SPTSSB: variants seen among roughly 807,000 people sequenced by gnomAD.
SPTSSB encodes androgen down regulated in mouse prostate.
Under a neutral mutation model 7.7 loss-of-function variants are expected in SPTSSB, and 6 were observed. The ratio of observed to expected loss-of-function variants is 0.78; its 90% CI spans 0.43 to 1.54. The LOEUF is 1.54. SPTSSB is among the 40% of genes most tolerant of loss of function. SPTSSB has a pLI of 0.01. For missense variants in SPTSSB, 91 were observed against 93.0 expected (o/e 0.98, Z 0.09); for synonymous variants, 28 against 29.7 (o/e 0.94, Z 0.19).
At chr3:161,369,285 CT>C (rs201145717) in intron 1 of SPTSSB, among the ~76,000 whole-genome samples, 4,859 of 102,984 alleles carry the variant, frequency 0.047, 113 homozygotes, top group South Asian at 0.1. Context: ...TTCTTTCTTT[CT>C]TTTCTTTCTT....
intron 2 of SPTSSB, among the ~76,000 whole-genome samples, chr3:161,352,709 T>C (rs1714598370): frequency 6.6e-6 from 1 of 152,256 alleles, no homozygotes; most frequent in Non-Finnish European, 1.5e-5. Context: ...TTCTGAATTC[T>C]CATTGTCTGC....
intron 2 of SPTSSB, among the ~76,000 whole-genome samples, chr3:161,349,919 GAGA>G (rs1274552513): frequency 6.6e-6 from 1 of 152,186 alleles, no homozygotes; most frequent in Non-Finnish European, 1.5e-5. Flanking sequence ...GTGTGCGGTG[GAGA>G]AGGAGATGAA....
At chr3:161,347,183 C>G (rs1478751970) in intron 2 of SPTSSB, among the ~76,000 whole-genome samples, 1 of 152,130 alleles carries the variant, frequency 6.6e-6, no homozygotes, top group Non-Finnish European at 1.5e-5. Flanking sequence ...TTCTTAAATA[C>G]TCTTCATTTT....
intron 1 of SPTSSB, among the ~76,000 whole-genome samples, chr3:161,361,871 CAG>C (rs1423386019): frequency 2.0e-5 from 3 of 152,234 alleles, no homozygotes; most frequent in African/African-American, 7.2e-5. Context: ...TAGCAGATCA[CAG>C]AGTTACTGTT....
chr3:161,346,032 A>G lies in SPTSSB; in HGVS notation c.*61T>C, dbSNP rs1714206364. The G allele has an allele frequency of 1.1e-6, 1 of 870,894 alleles. No individual in the cohort carries two copies. The highest frequency in any genetic ancestry group is 1.9e-6 in the Non-Finnish European group (1 of 527,152). 53.9% of individuals were successfully genotyped at this position (870,894 alleles called of 1,614,324 possible). A position where few individuals can be genotyped will look rare whatever the true frequency, so the allele number is the denominator to read the frequency against. ...TGAAGGAAGACACAATAGTTACCTAAATCAATAAGCTGTAAGCAACATATA... is the reference window on the plus strand; with the variant it reads ...TGAAGGAAGACACAATAGTTACCTAGATCAATAAGCTGTAAGCAACATATA... On this transcript the variant is annotated 3_prime_UTR_variant, in exon 3 of 3. Coordinates refer to ENST00000620149, the MANE Select transcript of SPTSSB (RefSeq NM_001040100.2).
intron 1 of SPTSSB, among the ~76,000 whole-genome samples, chr3:161,361,674 G>C (rs1715022148): frequency 6.6e-6 from 1 of 152,058 alleles, no homozygotes; most frequent in South Asian, 2.1e-4. Flanking sequence ...CTTAGTAAAG[G>C]CTCAAAGATA....
At chr3:161,355,030 A>C (rs1047721615) in intron 2 of SPTSSB, among the ~76,000 whole-genome samples, 6 of 152,330 alleles carry the variant, frequency 3.9e-5, no homozygotes, top group African/African-American at 1.4e-4. Context: ...AGAAATTTGT[A>C]ACAAGGGAAT....
intron 1 of SPTSSB, among the ~76,000 whole-genome samples, chr3:161,371,205 GA>G (rs2108172784): frequency 6.6e-6 from 1 of 152,302 alleles, no homozygotes; most frequent in Non-Finnish European, 1.5e-5. Flanking sequence ...TTTTAGTTTG[GA>G]AAGTTTCAGT....
intron 2 of SPTSSB, among the ~76,000 whole-genome samples, chr3:161,355,187 T>C (rs1162659033): frequency 6.6e-6 from 1 of 152,226 alleles, no homozygotes; most frequent in Admixed American, 6.5e-5. Flanking sequence ...TATGAGCTTC[T>C]TTATAACTAT....
intron 1 of SPTSSB, among the ~76,000 whole-genome samples, chr3:161,368,707 T>C (rs1411047555): frequency 6.6e-6 from 1 of 152,204 alleles, no homozygotes; most frequent in Non-Finnish European, 1.5e-5. Context: ...ATTACAGGCG[T>C]GAGCCACCGC....
intron 2 of SPTSSB, among the ~76,000 whole-genome samples, chr3:161,350,423 A>G (rs1394934161): frequency 3.9e-5 from 6 of 152,212 alleles, no homozygotes; most frequent in Non-Finnish European, 8.8e-5. Context: ...CTTCTAGAAC[A>G]TCAGAATCAG....
intron 1 of SPTSSB, among the ~76,000 whole-genome samples, chr3:161,364,265 C>T (rs1715128789): frequency 6.6e-6 from 1 of 152,118 alleles, no homozygotes; most frequent in South Asian, 2.1e-4. Flanking sequence ...TGGGCCTGGG[C>T]ATGTGTGCTA....
At chr3:161,361,639 T>C (rs1304367882) in intron 1 of SPTSSB, among the ~76,000 whole-genome samples, 3 of 152,168 alleles carry the variant, frequency 2.0e-5, no homozygotes, top group African/African-American at 7.2e-5. Context: ...GCAACATTGG[T>C]GAAAGGTCCT....
chr3:161,369,320 C>CTTTCTTTCT, intron 1 of SPTSSB, among the ~76,000 whole-genome samples: 1 of 61,662 alleles, frequency 1.6e-5, no homozygotes, highest in South Asian at 6.7e-4. Context: ...CTTTCTCTTT[C>CTTTCTTTCT]TTTCTTTCTT....
intron 1 of SPTSSB, among the ~76,000 whole-genome samples, chr3:161,370,877 T>G (rs1350092332): frequency 3.3e-5 from 5 of 152,254 alleles, no homozygotes; most frequent in Non-Finnish European, 1.5e-5. Context: ...TGTCTTTTGG[T>G]GAAGAAGTTT....
intron 2 of SPTSSB, among the ~76,000 whole-genome samples, chr3:161,348,698 A>AT (rs1714376398): frequency 7.9e-5 from 12 of 152,182 alleles, no homozygotes; most frequent in Non-Finnish European, 1.3e-4. Context: ...AGATTAAAAA[A>AT]ATTTTTTTTT....
intron 1 of SPTSSB, among the ~76,000 whole-genome samples, chr3:161,366,926 G>A (rs1457860861): frequency 6.6e-6 from 1 of 152,200 alleles, no homozygotes; most frequent in Non-Finnish European, 1.5e-5. Context: ...TATAATCCCA[G>A]CACTTTAGGA....
At chr3:161,350,120 T>C (rs946706316) in intron 2 of SPTSSB, among the ~76,000 whole-genome samples, 20 of 152,160 alleles carry the variant, frequency 1.3e-4, no homozygotes, top group African/African-American at 4.8e-4. Flanking sequence ...TGAGGGGAGC[T>C]TGCAAGAAAA....
chr3:161,364,774 C>T (rs541003833), intron 1 of SPTSSB, among the ~76,000 whole-genome samples: 1 of 151,912 alleles, frequency 6.6e-6, no homozygotes, highest in South Asian at 2.1e-4. Flanking sequence ...TAGAATGTTC[C>T]AGAACGTAAA....
Sources: gnomAD v4.1 joint callset for allele counts (sites outside exome capture counted in the v4.1 genomes callset) on GRCh38, gnomAD v4.1.1 for gene constraint, MANE v1.5 for transcripts, NCBI Gene and HGNC (gene_info 2026-07-23, HGNC 2026-07-21) for gene names.